ATOH8: variants seen among roughly 807,000 people sequenced by gnomAD.
ATOH8 encodes the protein transcription factor ATOH8.
ATOH8 carries 9 observed loss-of-function variants against 21.2 expected under a neutral mutation model. The ratio of observed to expected loss-of-function variants is 0.42; its 90% CI spans 0.26 to 0.74. The LOEUF (loss-of-function observed/expected upper bound fraction) is 0.74, where lower values mean the gene tolerates loss of function less well. ATOH8 is among the 30% of genes least tolerant of loss of function. ATOH8 has a pLI of 0.24. For synonymous variants in ATOH8, 253 were observed against 224.0 expected (o/e 1.13, Z -1.16); for missense variants, 524 against 470.9 (o/e 1.11, Z -1.04).
chr2:85,785,570 A>G lies in ATOH8; in HGVS notation c.961-1315A>G, dbSNP rs980611860. Among the ~76,000 whole-genome samples the G allele has an allele frequency of 5.9e-5, 9 of 152,166 alleles. No individual in the cohort carries two copies. Among genetic ancestry groups the G allele is most frequent in the African/African-American group, 1.4e-4 (6 of 41,448 alleles). On this transcript the variant is annotated intron_variant, in intron 2 of 2. Coordinates refer to ENST00000306279, the MANE Select transcript of ATOH8 (RefSeq NM_032827.7). This position sits in a 1 kb window ranked among gnomAD's most constrained non-coding sequence, Gnocchi z 4.1. The stretch of plus-strand genomic sequence containing the variant: ...GCTGCCCCGGCCCACGGGGCTCACC[A>G]GGGCCTGTGGTTAGCAGGCCCTCCA...
chr2:85,755,451 C>T (rs1679660821), intron 1 of ATOH8, among the ~76,000 whole-genome samples: 1 of 152,186 alleles, frequency 6.6e-6, no homozygotes, highest in Non-Finnish European at 1.5e-5. Flanking sequence ...TGCTTCCGGG[C>T]TATGCACTCC....
Position 85,787,888 on chromosome 2 carries a change from G to A in ATOH8, c.*998G>A, listed in dbSNP as rs974823729. ...ACTTGGAGGGCGGTGGTCTGTTACA[G>A]GGTGTGCAGGGGCAGAGAAGGAAGG... On this transcript the variant is annotated 3_prime_UTR_variant, in exon 3 of 3. Coordinates refer to ENST00000306279, the MANE Select transcript of ATOH8 (RefSeq NM_032827.7). The A allele has an allele frequency of 3.9e-5, 6 of 152,876 alleles. No homozygotes were observed. The highest frequency in any genetic ancestry group is 1.4e-4 in the African/African-American group (6 of 41,452). The allele number at this position is 152,876 out of a possible 1,614,324, so 9.5% of individuals were successfully genotyped here.
chr2:85,758,619 C>G (rs1192025142), intron 1 of ATOH8, among the ~76,000 whole-genome samples: 1 of 152,250 alleles, frequency 6.6e-6, no homozygotes, highest in African/African-American at 2.4e-5. Context: ...CCACTGTCCT[C>G]TCAACCAGGA....
At chr2:85,781,392 C>A (rs571941071) in intron 2 of ATOH8, among the ~76,000 whole-genome samples, 65 of 151,226 alleles carry the variant, frequency 4.3e-4, no homozygotes, top group African/African-American at 1.5e-3. Flanking sequence ...CATGGTGAAA[C>A]CCCGTCTCTA....
chr2:85,770,330 A>G (rs1469470522), intron 2 of ATOH8, among the ~76,000 whole-genome samples: 1 of 151,174 alleles, frequency 6.6e-6, no homozygotes, highest in Non-Finnish European at 1.5e-5. Context: ...CTCACATGGG[A>G]GTGGGGTTGA....
At chr2:85,762,961 G>T (rs1679905656) in intron 1 of ATOH8, among the ~76,000 whole-genome samples, 1 of 152,120 alleles carries the variant, frequency 6.6e-6, no homozygotes, top group African/African-American at 2.4e-5. Flanking sequence ...AAATACTTGT[G>T]TGGATGCATC....
chr2:85,758,334 T>C (rs897764317), intron 1 of ATOH8, among the ~76,000 whole-genome samples: 3 of 152,358 alleles, frequency 2.0e-5, no homozygotes, highest in Admixed American at 1.3e-4. Context: ...AGAGAGCTTA[T>C]GTAAGTTGTC....
chr2:85,786,150 G>C (rs1680616212), intron 2 of ATOH8, among the ~76,000 whole-genome samples: 1 of 152,212 alleles, frequency 6.6e-6, no homozygotes, highest in South Asian at 2.1e-4. Context: ...TTTTCGAACT[G>C]TGCTCCTTAG....
rs920864265 is a variant in ATOH8, at chr2:85,788,331, G to T, written c.*1441G>T. Reference sequence around the variant, plus strand: ...CCGCACTGCACTCAATCTGTACCATGGATTTATGAGATAGGGGCCCCTATT... The same window carrying T: ...CCGCACTGCACTCAATCTGTACCATTGATTTATGAGATAGGGGCCCCTATT... On this transcript the variant is annotated 3_prime_UTR_variant, in exon 3 of 3. Coordinates refer to ENST00000306279, the MANE Select transcript of ATOH8 (RefSeq NM_032827.7). 3.3e-5 allele frequency among the ~76,000 whole-genome samples: 5 copies of T among 152,076 alleles called. No individual in the cohort carries two copies. In the East Asian group the frequency reaches 9.7e-4, roughly 29 times the overall value.
rs1679615278 is a variant in ATOH8 at position 85,754,567 on chromosome 2, G to T, written c.378G>T (p.Pro126=). The T allele has an allele frequency of 1.4e-6, 2 of 1,439,522 alleles. No homozygotes were observed. Among genetic ancestry groups the T allele is most frequent in the African/African-American group, 3.0e-5 (2 of 66,550 alleles). 89.2% of individuals were successfully genotyped at this position (1,439,522 alleles called of 1,614,324 possible). A position where few individuals can be genotyped will look rare whatever the true frequency, so the allele number is the denominator to read the frequency against. Residue 126 remains proline (P), a synonymous_variant, in exon 1 of 3, where the codon CCG becomes CCT. Coordinates refer to ENST00000306279, the MANE Select transcript of ATOH8 (RefSeq NM_032827.7). ...AVGPGLPTPP[P]PPPPAPQSQA... is the part of the protein sequence containing the mutation. ...GGCCAGGACTCCCCACGCCGCCGCCGCCGCCGCCTCCTGCGCCCCAGAGCC... is the reference window on the plus strand; with the variant it reads ...GGCCAGGACTCCCCACGCCGCCGCCTCCGCCGCCTCCTGCGCCCCAGAGCC...
chr2:85,775,489 C>T (rs1303067401), intron 2 of ATOH8, among the ~76,000 whole-genome samples: 1 of 152,196 alleles, frequency 6.6e-6, no homozygotes, highest in Non-Finnish European at 1.5e-5. Flanking sequence ...AGAAACCCCT[C>T]AAGCAGCAGC....
chr2:85,775,814 G>A (rs1002587402), intron 2 of ATOH8, among the ~76,000 whole-genome samples: 11 of 152,204 alleles, frequency 7.2e-5, no homozygotes, highest in African/African-American at 2.2e-4. Context: ...CATGTGGCTC[G>A]TGTCTGGAGG....
Position 85,754,401 on chromosome 2 carries a change from C to T in ATOH8, c.212C>T (p.Pro71Leu), listed in dbSNP as rs980969736. 3.8e-6 allele frequency: 6 copies of T among 1,574,892 alleles called. No homozygotes were observed. Among genetic ancestry groups the T allele is most frequent in the South Asian group, 1.1e-5 (1 of 87,480 alleles). Residue 71 changes from proline (P) to leucine (L), a missense_variant, in exon 1 of 3, where the codon CCG becomes CTG. By Grantham distance (98) the Pro-to-Leu change is moderately conservative. Coordinates refer to ENST00000306279, the MANE Select transcript of ATOH8 (RefSeq NM_032827.7). The stretch of plus-strand genomic sequence containing the variant: ...AGGACCCATCGGCTGCAGCCGGTCC[C>T]GGTACCGGTGCCGGTGCCAGTCCCA... ...RDRTHRLQPV[P>L]VPVPVPVPVA...
Position 85,786,905 on chromosome 2 carries a change from G to A in ATOH8, c.*15G>A. On this transcript the variant is annotated 3_prime_UTR_variant, in exon 3 of 3. Coordinates refer to ENST00000306279, the MANE Select transcript of ATOH8 (RefSeq NM_032827.7). ...TTCAGGAGTGACTGGCTGCAGGCAAGACCAAGGCCACCACTGTGGGCCCTC... is the reference window on the plus strand; with the variant it reads ...TTCAGGAGTGACTGGCTGCAGGCAAAACCAAGGCCACCACTGTGGGCCCTC... The A allele has an allele frequency of 6.2e-7, 1 of 1,614,156 alleles. No individual in the cohort carries two copies. Among genetic ancestry groups the A allele is most frequent in the South Asian group, 1.1e-5 (1 of 91,082 alleles).
chr2:85,775,201 G>A (rs1286162715), intron 2 of ATOH8: 1 of 983,750 alleles, frequency 1.0e-6, no homozygotes, highest in Non-Finnish European at 1.2e-6. Flanking sequence ...AAATGCCTGT[G>A]TCTCTGGCTA....
chr2:85,786,871 G>T lies in ATOH8; in HGVS notation c.961-14G>T, dbSNP rs777331664. On this transcript the variant is annotated splice_polypyrimidine_tract_variant and intron_variant, in intron 2 of 2. Coordinates refer to ENST00000306279, the MANE Select transcript of ATOH8 (RefSeq NM_032827.7). Reference sequence around the variant, plus strand: ...GAGCAGGGGCAGCTTTTAATGGCTGGTCATGTCTTTCAGGAGTGACTGGCT... The same window carrying T: ...GAGCAGGGGCAGCTTTTAATGGCTGTTCATGTCTTTCAGGAGTGACTGGCT... 1.2e-6 allele frequency: 2 copies of T among 1,614,016 alleles called. No homozygotes were observed. The highest frequency in any genetic ancestry group is 1.1e-5 in the South Asian group (1 of 91,074).
At chr2:85,776,567 G>A (rs753837781) in intron 2 of ATOH8, among the ~76,000 whole-genome samples, 16 of 152,158 alleles carry the variant, frequency 1.1e-4, no homozygotes, top group African/African-American at 2.7e-4. Flanking sequence ...ATGCACACAC[G>A]CAGGTGTGCT....
chr2:85,756,207 G>A (rs1679690559), intron 1 of ATOH8, among the ~76,000 whole-genome samples: 1 of 151,766 alleles, frequency 6.6e-6, no homozygotes, highest in Admixed American at 6.6e-5. Flanking sequence ...GGGGACGGGT[G>A]GCTGTCACAG....
rs953809845 is a variant in ATOH8, at chr2:85,789,620, T to C, written c.*2730T>C. On this transcript the variant is annotated 3_prime_UTR_variant, in exon 3 of 3. Transcript: ENST00000306279. ...CCCAAGGAGATTATTAAATATTAAATATTGATATGAAGTATTGATGCCCAA... is the reference window on the plus strand; with the variant it reads ...CCCAAGGAGATTATTAAATATTAAACATTGATATGAAGTATTGATGCCCAA... Among the ~76,000 whole-genome samples, 1 of 152,194 alleles carries C rather than the reference T, an allele frequency of 6.6e-6. No individual in the cohort carries two copies. The highest frequency in any genetic ancestry group is 6.5e-5 in the Admixed American group (1 of 15,282).
Sources: allele counts gnomAD v4.1 joint callset (sites outside exome capture counted in the v4.1 genomes callset), GRCh38; gene constraint gnomAD v4.1.1; non-coding constraint Gnocchi (gnomAD v3.1); transcripts MANE v1.5; gene names NCBI Gene and HGNC (gene_info 2026-07-23, HGNC 2026-07-21).